ZBTB16: variants seen among roughly 807,000 people sequenced by gnomAD.
ZBTB16 encodes zinc finger and BTB domain-containing protein 16.
A neutral mutation model predicts 56.8 loss-of-function variants in ZBTB16; 8 were observed. That is an observed-to-expected ratio of 0.14 (90% CI 0.08 to 0.25). ZBTB16 has a LOEUF of 0.25. Among genes scored for constraint, ZBTB16 ranks in the 10% least tolerant of loss-of-function variants. The pLI is 1.00. For synonymous variants in ZBTB16, 363 were observed against 368.5 expected (o/e 0.98, Z 0.17); for missense variants, 625 against 903.0 (o/e 0.69, Z 3.95).
intron 3 of ZBTB16, chr11:114,180,792 C>T (rs1413956991): frequency 1.3e-5 from 2 of 152,226 alleles, no homozygotes; most frequent in East Asian, 1.9e-4. Flanking sequence ...CCAGGCATGG[C>T]GCAGGGTATC....
chr11:114,082,166 G>A (rs1237451311), intron 2 of ZBTB16, among the ~76,000 whole-genome samples: 1 of 150,956 alleles, frequency 6.6e-6, no homozygotes, highest in African/African-American at 2.4e-5. Context: ...CATAATCCCA[G>A]CTTCTCGGGT....
chr11:114,118,209 C>T (rs956126039), intron 2 of ZBTB16, among the ~76,000 whole-genome samples: 13 of 152,298 alleles, frequency 8.5e-5, no homozygotes, highest in African/African-American at 2.6e-4. Flanking sequence ...CAGAGGCTCG[C>T]TCTGTTGCCC....
At chr11:114,146,848 C>CAA (rs3057711) in intron 2 of ZBTB16, among the ~76,000 whole-genome samples, 7 of 118,892 alleles carry the variant, frequency 5.9e-5, no homozygotes, top group Middle Eastern at 4.2e-3. Context: ...GATTCTGTCT[C>CAA]AAAAAAAAAA....
At chr11:114,132,503 T>G (rs1311695927) in intron 2 of ZBTB16, among the ~76,000 whole-genome samples, 1 of 152,138 alleles carries the variant, frequency 6.6e-6, no homozygotes, top group African/African-American at 2.4e-5. Flanking sequence ...GGGATGAAGT[T>G]CCGCTGCCCT....
intron 5 of ZBTB16, among the ~76,000 whole-genome samples, chr11:114,244,589 A>G (rs972087600): frequency 6.6e-6 from 1 of 151,994 alleles, no homozygotes; most frequent in African/African-American, 2.4e-5. Context: ...CCGTGCTTCC[A>G]AATCGGGATG....
chr11:114,116,702 T>A (rs1200275962), intron 2 of ZBTB16, among the ~76,000 whole-genome samples: 1 of 152,192 alleles, frequency 6.6e-6, no homozygotes, highest in East Asian at 1.9e-4. Context: ...TTAGAACTAG[T>A]ACACACATGG....
rs1317575774 is a variant in ZBTB16, at chr11:114,256,335, A to T, written c.*5780A>T. ...TGTTGTCGGCGCTGGGAATTACAGC[A>T]AAGGACAAACAGACAAACCCTGGCC... On this transcript the variant is annotated 3_prime_UTR_variant, in exon 7 of 7. Coordinates refer to ENST00000335953, the MANE Select transcript of ZBTB16 (RefSeq NM_006006.6). 6.6e-6 allele frequency among the ~76,000 whole-genome samples: 1 copy of T among 152,240 alleles called. No homozygotes were observed. Among genetic ancestry groups the T allele is most frequent in the African/African-American group, 2.4e-5 (1 of 41,462 alleles).
chr11:114,203,735 G>C (rs138050435), intron 4 of ZBTB16, among the ~76,000 whole-genome samples: 2 of 152,184 alleles, frequency 1.3e-5, no homozygotes, highest in Non-Finnish European at 2.9e-5. Context: ...TGCAGGTAAC[G>C]CTTTGCATCA....
At chr11:114,117,375 C>T (rs1026869308) in intron 2 of ZBTB16, among the ~76,000 whole-genome samples, 9 of 152,000 alleles carry the variant, frequency 5.9e-5, no homozygotes, top group African/African-American at 1.2e-4. Context: ...TGGAGCACCC[C>T]GAGCACAGCA....
chr11:114,226,796 C>T (rs572131798), intron 4 of ZBTB16, among the ~76,000 whole-genome samples: 4 of 152,286 alleles, frequency 2.6e-5, no homozygotes, highest in African/African-American at 9.6e-5. Flanking sequence ...ATCAGGAGAG[C>T]AACCTACTTG....
At chr11:114,233,117 ACACACACACTCTCTCTCT>A (rs1944491110) in intron 4 of ZBTB16, among the ~76,000 whole-genome samples, 3 of 61,600 alleles carry the variant, frequency 4.9e-5, no homozygotes, top group African/African-American at 9.0e-5. Flanking sequence ...ACACACACAC[ACACACACACTCTCTCTCT>A]CTCACACTCC....
Position 114,219,864 on chromosome 11 carries a change from G to T in ZBTB16, c.1454-22303G>T, listed in dbSNP as rs1944191976. Among the ~76,000 whole-genome samples the T allele has an allele frequency of 2.0e-5, 3 of 152,138 alleles. No homozygotes were observed. In the South Asian group the frequency reaches 6.2e-4, roughly 32 times the overall value. ...GCTTGGGGTCTGGAAGCCTTGGAAA[G>T]CCTGGGGTGAACACTGTCAGGGTGA... On this transcript the variant is annotated intron_variant, in intron 4 of 6. Transcript: ENST00000335953.
chr11:114,189,678 A>C (rs1170724123), intron 4 of ZBTB16: 4 of 151,816 alleles, frequency 2.6e-5, no homozygotes, highest in Non-Finnish European at 5.9e-5. Flanking sequence ...AGGCAGGAGA[A>C]TCACTTGAAC....
intron 2 of ZBTB16, among the ~76,000 whole-genome samples, chr11:114,111,180 T>TGTGTGTGTGTGTGTGTGTGC (rs1436980516): frequency 6.6e-6 from 1 of 151,764 alleles, no homozygotes; most frequent in African/African-American, 2.4e-5. Context: ...TGTGTGTGTG[T>TGTGTGTGTGTGTGTGTGTGC]GCACGCGCGA....
intron 2 of ZBTB16, among the ~76,000 whole-genome samples, chr11:114,148,393 T>TTCCTTCCTCCTTCCCTCCC (rs1565651651): frequency 3.6e-5 from 1 of 27,418 alleles, no homozygotes. Context: ...TCCTTCCTCC[T>TTCCTTCCTCCTTCCCTCCC]TCCCTCCCTC....
intron 2 of ZBTB16, among the ~76,000 whole-genome samples, chr11:114,074,678 A>G (rs1253823681): frequency 6.6e-6 from 1 of 152,250 alleles, no homozygotes; most frequent in East Asian, 1.9e-4. Context: ...CTGCGTGGCC[A>G]GTGACAAGTA....
At chr11:114,181,201 C>T (rs927659189) in intron 3 of ZBTB16, among the ~76,000 whole-genome samples, 11 of 152,222 alleles carry the variant, frequency 7.2e-5, no homozygotes, top group Non-Finnish European at 1.2e-4. Flanking sequence ...GGAGCTCTTT[C>T]TTTAAAGGAA....
chr11:114,213,259 C>A (rs1944031627), intron 4 of ZBTB16, among the ~76,000 whole-genome samples: 2 of 152,136 alleles, frequency 1.3e-5, no homozygotes, highest in Non-Finnish European at 2.9e-5. Flanking sequence ...GGACACTGGG[C>A]AGAGAAATCA....
chr11:114,104,466 T>C (rs1365926971), intron 2 of ZBTB16, among the ~76,000 whole-genome samples: 1 of 152,178 alleles, frequency 6.6e-6, no homozygotes, highest in Non-Finnish European at 1.5e-5. Flanking sequence ...TACCTCCTTC[T>C]TTCATGGCAG....
Sources: allele counts gnomAD v4.1 joint callset (sites outside exome capture counted in the v4.1 genomes callset), GRCh38; gene constraint gnomAD v4.1.1; transcripts MANE v1.5; gene names NCBI Gene and HGNC (gene_info 2026-07-23, HGNC 2026-07-21).